Variants in YME1L1 observed in about 807,000 individuals in gnomAD.
YME1L1 encodes the protein YME1 like 1 ATPase, also known as ATP-dependent zinc metalloprotease YME1L1.
A neutral mutation model predicts 90.4 loss-of-function variants in YME1L1; 39 were observed. The ratio of observed to expected loss-of-function variants is 0.43; its 90% CI spans 0.33 to 0.56. The LOEUF (loss-of-function observed/expected upper bound fraction) is 0.56, where lower values mean the gene tolerates loss of function less well. Ranked by LOEUF, YME1L1 falls within the 20% of genes least tolerant of loss-of-function variation. The pLI is 0.03. For synonymous variants in YME1L1, 284 were observed against 287.3 expected (o/e 0.99, Z 0.12); for missense variants, 617 against 868.4 (o/e 0.71, Z 3.64).
chr10:27,132,656 A>T (rs1458186297), intron 7 of YME1L1, among the ~76,000 whole-genome samples: 1 of 151,764 alleles, frequency 6.6e-6, no homozygotes, highest in Non-Finnish European at 1.5e-5. Flanking sequence ...CGTCTCTACT[A>T]AAAACACAAA....
chr10:27,125,067 TAGTTGGC>T (rs2056903487), intron 9 of YME1L1, among the ~76,000 whole-genome samples: 2 of 152,188 alleles, frequency 1.3e-5, no homozygotes, highest in Admixed American at 1.3e-4. Context: ...TCAGTGGAGA[TAGTTGGC>T]AGCATAAAAA....
intron 6 of YME1L1, 40 bp from the exon 7 acceptor site, chr10:27,134,162 A>G (rs2057003634): frequency 1.4e-6 from 2 of 1,424,636 alleles, no homozygotes; most frequent in Admixed American, 1.9e-5. Context: ...AATCACATTT[A>G]TGAAATATGA....
chr10:27,134,715 T>C (rs2057009199), intron 6 of YME1L1, 116 bp downstream of exon 6: 1 of 1,047,018 alleles, frequency 9.6e-7, no homozygotes, highest in South Asian at 1.6e-5. Flanking sequence ...AAGTTACAAA[T>C]ATAGTGGAAT....
chr10:27,125,641 A>ATTTTTTTTT (rs199852948), intron 9 of YME1L1, among the ~76,000 whole-genome samples: 3 of 134,190 alleles, frequency 2.2e-5, no homozygotes, highest in African/African-American at 8.3e-5. Flanking sequence ...TAAATGTCCT[A>ATTTTTTTTT]TTTTTTTTTT....
At chr10:27,150,016 C>T (rs377363852) in intron 1 of YME1L1, among the ~76,000 whole-genome samples, 79 of 151,992 alleles carry the variant, frequency 5.2e-4, no homozygotes, top group African/African-American at 1.7e-3. Context: ...GCGGAGGTTG[C>T]AGTGAGCCAA....
intron 4 of YME1L1, among the ~76,000 whole-genome samples, chr10:27,138,874 T>G (rs1277157257): frequency 2.6e-5 from 4 of 152,156 alleles, no homozygotes; most frequent in Non-Finnish European, 5.9e-5. Context: ...AGGAACATAA[T>G]AGATGTTTAA....
chr10:27,118,606 A>G (rs2056836926), intron 14 of YME1L1, among the ~76,000 whole-genome samples: 1 of 152,214 alleles, frequency 6.6e-6, no homozygotes, highest in Admixed American at 6.5e-5. Context: ...GTTTTTTAAA[A>G]TGGGCAGAAT....
Position 27,111,932 on chromosome 10 carries a change from G to A in YME1L1, c.*45C>T, listed in dbSNP as rs9833. On this transcript the variant is annotated 3_prime_UTR_variant, in exon 19 of 19. Transcript: ENST00000376016. ...AAAGTAGACTACTGCAATGCTACTT[G>A]TATTCTTGCAATAAAACCAGCAAGC... The A allele has an allele frequency of 0.84, 1,345,380 of 1,610,184 alleles. 563,828 individuals are homozygous for A. The highest frequency in any genetic ancestry group is 0.99 in the East Asian group (44,184 of 44,830).
chr10:27,111,724 C>G lies in YME1L1; in HGVS notation c.*253G>C, dbSNP rs191101370. 30,307 of 550,918 alleles carry G rather than the reference C, an allele frequency of 0.055. 1,088 individuals are homozygous for G. Among genetic ancestry groups the G allele is most frequent in the Non-Finnish European group, 0.07 (21,357 of 304,438 alleles). 34.1% of individuals were successfully genotyped at this position (550,918 alleles called of 1,614,324 possible). On this transcript the variant is annotated 3_prime_UTR_variant, in exon 19 of 19. Coordinates refer to ENST00000376016, the MANE Select transcript of YME1L1 (RefSeq NM_014263.4). ...AACTTAATAACTAATTGACATTCCT[C>G]AAAAGAGCTGTTTTCAATCCTGATA...
Position 27,136,257 on chromosome 10 carries a change from C to CA in YME1L1, c.540+18dup. Reference sequence around the variant, plus strand: ...ACTTGAAAATATTTGCTTTTTGGATCATAAAAAGGTCTAATTACCTTCACG... The same window carrying CA: ...ACTTGAAAATATTTGCTTTTTGGATCAATAAAAAGGTCTAATTACCTTCACG... On this transcript the variant is annotated intron_variant, in intron 5 of 18. Transcript: ENST00000376016. The CA allele has an allele frequency of 6.3e-7, 1 of 1,591,980 alleles. No homozygotes were observed. Among genetic ancestry groups the CA allele is most frequent in the African/African-American group, 1.4e-5 (1 of 73,248 alleles).
At chr10:27,114,474 AGCACATTG>A (rs770750930) in intron 18 of YME1L1, 39 bp downstream of exon 18, 1 of 1,490,464 alleles carries the variant, frequency 6.7e-7, no homozygotes, top group Non-Finnish European at 9.2e-7. Flanking sequence ...TGACTATTTA[AGCACATTG>A]TTCCTAAGAA....
At chr10:27,150,535 G>T (rs181384576) in intron 1 of YME1L1, among the ~76,000 whole-genome samples, 1 of 152,198 alleles carries the variant, frequency 6.6e-6, no homozygotes, top group African/African-American at 2.4e-5. Flanking sequence ...GATAAAACAG[G>T]TTGTAGTAAG....
intron 18 of YME1L1, among the ~76,000 whole-genome samples, chr10:27,113,391 C>G (rs965461865): frequency 3.3e-5 from 5 of 151,836 alleles, no homozygotes; most frequent in African/African-American, 1.2e-4. Flanking sequence ...TGAAATTGGG[C>G]CGGGCGCAGT....
In YME1L1 at chr10:27,139,860, T is replaced by A. The variant is rs1309366760; in HGVS notation, c.430+2527A>T. Among the ~76,000 whole-genome samples the A allele has an allele frequency of 3.3e-5, 5 of 152,326 alleles. No homozygotes were observed. In the East Asian group the frequency reaches 9.6e-4, roughly 29 times the overall value. On this transcript the variant is annotated intron_variant, in intron 4 of 18. Transcript: ENST00000376016. ...TTTCCTGTTGTTTCTTAATCAGAAT[T>A]GTTAAATTGTTCCTTTTTTTATACT...
chr10:27,141,017 C>A (rs1345690644), intron 4 of YME1L1, among the ~76,000 whole-genome samples: 6 of 152,158 alleles, frequency 3.9e-5, no homozygotes, highest in Non-Finnish European at 7.4e-5. Flanking sequence ...AGTCTCTTTG[C>A]TGAAATTGGT....
At position 27,116,321 on chromosome 10, in the gene YME1L1, T is replaced by C. The variant is rs1458475302; in HGVS notation, c.1744A>G (p.Arg582Gly). The change falls in exon 16 of 19, where the codon AGA (arginine) becomes GGA (glycine). Residue 582 changes from arginine (R) to glycine (G), a missense_variant. Around this residue, in one of 4 missense-constraint regions of YME1L1, gnomAD observed 212 missense variants for 330.0 expected, o/e 0.64. Coordinates refer to ENST00000376016, the MANE Select transcript of YME1L1 (RefSeq NM_014263.4). Reference protein sequence around the residue: ...GHVSLLPENDRWNETRAQLLA... With the variant: ...GHVSLLPENDGWNETRAQLLA... ...AGCTGGGCTCTAGTTTCATTCCATC[T>C]GTCATTCTCAGGTAACAGGGACACC... 6.2e-7 allele frequency: 1 copy of C among 1,614,144 alleles called. No individual in the cohort carries two copies. Among genetic ancestry groups the C allele is most frequent in the Middle Eastern group, 1.6e-4 (1 of 6,062 alleles).
intron 8 of YME1L1, among the ~76,000 whole-genome samples, chr10:27,129,797 C>T (rs1293047229): frequency 6.6e-6 from 1 of 152,066 alleles, no homozygotes; most frequent in Admixed American, 6.5e-5. Flanking sequence ...GTGAGCACAA[C>T]AGTTTTATTT....
chr10:27,144,902 G>A (rs2057126098), intron 3 of YME1L1, among the ~76,000 whole-genome samples: 1 of 152,142 alleles, frequency 6.6e-6, no homozygotes, highest in Non-Finnish European at 1.5e-5. Flanking sequence ...AGCACTTTGG[G>A]AGGCTGAGGA....
chr10:27,153,824 C>T (rs1435170543), intron 1 of YME1L1, among the ~76,000 whole-genome samples: 8 of 152,268 alleles, frequency 5.3e-5, no homozygotes, highest in Admixed American at 3.3e-4. Context: ...GGAACATTAC[C>T]TGCTCCCTTT....
Sources: gnomAD v4.1 joint callset for allele counts (sites outside exome capture counted in the v4.1 genomes callset) on GRCh38, gnomAD v4.1.1 for gene constraint, gnomAD v4.1.1 regional missense constraint, MANE v1.5 for transcripts, NCBI Gene and HGNC (gene_info 2026-07-23, HGNC 2026-07-21) for gene names.